Variants in COL8A2 observed in about 807,000 individuals in gnomAD.
COL8A2 encodes the protein collagen alpha-2(VIII) chain.
COL8A2 carries 16 observed loss-of-function variants against 24.0 expected under a neutral mutation model. That is an observed-to-expected ratio of 0.67 (90% CI 0.45 to 1.01). The LOEUF (loss-of-function observed/expected upper bound fraction) is 1.01, where lower values mean the gene tolerates loss of function less well. Among genes scored for constraint, COL8A2 ranks in the 50% least tolerant of loss-of-function variants. The probability of loss-of-function intolerance (pLI) is 0.00; values close to 1 mark genes in which losing one functional copy is unlikely to be tolerated. For synonymous variants in COL8A2, 466 were observed against 424.5 expected (o/e 1.10, Z -1.20); for missense variants, 818 against 942.4 (o/e 0.87, Z 1.73).
chr1:36,099,276 C>T lies in COL8A2; in HGVS notation c.405G>A (p.Gly135=), dbSNP rs767935704. The change falls in exon 4 of 4, where the codon GGG becomes GGA. Residue 135 remains glycine (G), a synonymous_variant. Coordinates refer to ENST00000397799, the MANE Select transcript of COL8A2 (RefSeq NM_005202.4). ...AGPPGLPGKV[G]PPGQPGLRGE... ...CCCGAAGCCCCGGCTGCCCTGGTGG[C>T]CCGACCTTGCCAGGGAGCCCTGGGG... is the stretch of plus-strand genomic sequence containing the variant. 78 of 1,554,160 alleles carry T rather than the reference C, an allele frequency of 5.0e-5. No individual in the cohort carries two copies. Among genetic ancestry groups the T allele is most frequent in the South Asian group, 4.4e-4 (37 of 84,510 alleles).
At chr1:36,103,933 C>A (rs1643718183) in intron 2 of COL8A2, among the ~76,000 whole-genome samples, 2 of 152,006 alleles carry the variant, frequency 1.3e-5, no homozygotes, top group South Asian at 4.1e-4. Context: ...GTGGCTCATG[C>A]CTGTAATCCC....
rs1174555357 is a variant in COL8A2 at position 36,100,096 on chromosome 1, T to C, written c.147A>G (p.Lys49=). ...CACGGAAGGGCGGTCCCACAGGTCC[T>C]TTCTGCATGGGCTGGATGTACTTCA... The part of the protein sequence containing the change: ...APVKYIQPMQ[K]GPVGPPFREG... Residue 49 remains lysine, a synonymous_variant, in exon 3 of 4, where the codon AAA becomes AAG. Coordinates refer to ENST00000397799, the MANE Select transcript of COL8A2 (RefSeq NM_005202.4). 1.2e-6 allele frequency: 2 copies of C among 1,612,650 alleles called. No individual in the cohort carries two copies. Among genetic ancestry groups the C allele is most frequent in the African/African-American group, 2.7e-5 (2 of 74,884 alleles).
chr1:36,112,089 C>T (rs978699513), intron 2 of COL8A2, among the ~76,000 whole-genome samples: 7 of 152,100 alleles, frequency 4.6e-5, no homozygotes, highest in African/African-American at 9.7e-5. Flanking sequence ...CTGCAAACTC[C>T]GCCTCCCAGG....
chr1:36,114,498 G>C (rs556644901), intron 2 of COL8A2, among the ~76,000 whole-genome samples: 18 of 152,134 alleles, frequency 1.2e-4, no homozygotes, highest in African/African-American at 4.3e-4. Context: ...CTGCCTCCCT[G>C]TCCCTGCCTT....
In COL8A2 at chr1:36,099,288, A is replaced by C. The variant is rs2124074548; in HGVS notation, c.393T>G (p.Pro131=). 6.4e-7 allele frequency: 1 copy of C among 1,562,276 alleles called. No homozygotes were observed. Among genetic ancestry groups the C allele is most frequent in the South Asian group, 1.2e-5 (1 of 85,146 alleles). The change falls in exon 4 of 4, where the codon CCT becomes CCG. Residue 131 remains proline, a synonymous_variant. Transcript: ENST00000397799. ...RMGKAGPPGL[P]GKVGPPGQPG... is the part of the protein sequence containing the mutation. ...GCTGCCCTGGTGGCCCGACCTTGCC[A>C]GGGAGCCCTGGGGGACCAGCCTTGC...
chr1:36,105,020 T>G (rs538315143), intron 2 of COL8A2, among the ~76,000 whole-genome samples: 7 of 152,188 alleles, frequency 4.6e-5, no homozygotes, highest in Admixed American at 1.3e-4. Flanking sequence ...CTCTGCATCT[T>G]TGCCTGGCAA....
rs1372917862 is a variant in COL8A2 at position 36,099,989 on chromosome 1, G to A, written c.193+61C>T. ...GCCTGAGGATCTGATGGCTCTCAGG[G>A]AGGCAGGGGATTTGGGGGCTGGGAG... On this transcript the variant is annotated intron_variant, in intron 3 of 3. Transcript: ENST00000397799. 2.0e-6 allele frequency: 3 copies of A among 1,509,740 alleles called. No homozygotes were observed. In the East Asian group the frequency reaches 6.8e-5, roughly 34 times the overall value. The allele number at this position is 1,509,740 out of a possible 1,614,324, so 93.5% of individuals were successfully genotyped here. A position where few individuals can be genotyped will look rare whatever the true frequency, so the allele number is the denominator to read the frequency against.
At position 36,098,662 on chromosome 1, in the gene COL8A2, C is replaced by T; in HGVS notation, c.1019G>A (p.Gly340Asp). ...TGGCTCCCCATCCTCCCCTGGCTCA[C>T]CCCTGTCCCCCAAGAGTCCTGGGAC... Reference protein sequence around the residue: ...AGVPGLLGDRGEPGEDGEPGE... With the variant: ...AGVPGLLGDRDEPGEDGEPGE... The change falls in exon 4 of 4, where the codon GGT (glycine) becomes GAT (aspartate). Residue 340 changes from glycine to aspartate, a missense_variant. Gly to Asp is a moderately conservative substitution (Grantham distance 94, BLOSUM62 -1). Transcript: ENST00000397799. 3 of 1,610,546 alleles carry T rather than the reference C, an allele frequency of 1.9e-6. No homozygotes were observed. The highest frequency in any genetic ancestry group is 2.5e-6 in the Non-Finnish European group (3 of 1,179,468).
chr1:36,104,820 A>T (rs567306660), intron 2 of COL8A2, among the ~76,000 whole-genome samples: 20 of 152,324 alleles, frequency 1.3e-4, no homozygotes, highest in Non-Finnish European at 1.9e-4. Context: ...AATTAATTAA[A>T]TAAAATAAAA....
At chr1:36,100,279 A>G (rs1570031394) in intron 2 of COL8A2, 21 bp from the exon 3 acceptor site, 5 of 1,537,974 alleles carry the variant, frequency 3.3e-6, no homozygotes, top group Non-Finnish European at 4.4e-6. Flanking sequence ...GAACAGAGAA[A>G]GTCATCAAGC....
rs1184607760 is a variant in COL8A2 at position 36,099,453 on chromosome 1, C to T, written c.228G>A (p.Lys76=). The T allele has an allele frequency of 6.5e-7, 1 of 1,544,134 alleles. No individual in the cohort carries two copies. The highest frequency in any genetic ancestry group is 1.9e-5 in the Admixed American group (1 of 51,396). The change falls in exon 4 of 4, where the codon AAG becomes AAA. Residue 76 remains lysine, a synonymous_variant. Transcript: ENST00000397799. ...MPLPLLPMDL[K]GEPGPPGKPG... is the part of the protein sequence containing the mutation. The stretch of plus-strand genomic sequence containing the variant: ...GCTTCCCAGGGGGGCCGGGCTCTCC[C>T]TTCAGGTCCATCGGCAGCAGCGGTA...
chr1:36,108,723 G>A (rs898318973), intron 2 of COL8A2, among the ~76,000 whole-genome samples: 3 of 152,120 alleles, frequency 2.0e-5, no homozygotes, highest in Non-Finnish European at 2.9e-5. Context: ...GCAGAGTGGC[G>A]GTGGTGTGCA....
intron 3 of COL8A2, among the ~76,000 whole-genome samples, 168 bp from the exon 4 acceptor site, chr1:36,099,655 TG>T (rs573423624): frequency 6.6e-6 from 1 of 152,060 alleles, no homozygotes; most frequent in East Asian, 1.9e-4. Context: ...GGGGACATCT[TG>T]GGGGCAACAG....
chr1:36,118,682 C>G (rs1200692837), intron 1 of COL8A2, among the ~76,000 whole-genome samples: 1 of 146,078 alleles, frequency 6.8e-6, no homozygotes, highest in Non-Finnish European at 1.5e-5. Context: ...CACCCCCCGC[C>G]CCCCACCCCC....
chr1:36,105,097 C>CCAGG (rs1482172480), intron 2 of COL8A2, among the ~76,000 whole-genome samples: 1 of 152,092 alleles, frequency 6.6e-6, no homozygotes, highest in African/African-American at 2.4e-5. Flanking sequence ...CTCCCTCAGG[C>CCAGG]CAGGCTAGGT....
chr1:36,101,090 C>T (rs1195438807), intron 2 of COL8A2, among the ~76,000 whole-genome samples: 2 of 151,918 alleles, frequency 1.3e-5, no homozygotes, highest in African/African-American at 2.4e-5. Flanking sequence ...GATGGAGTTT[C>T]GCCATGTTGG....
In COL8A2 at chr1:36,098,342, T is replaced by C; in HGVS notation, c.1339A>G (p.Lys447Glu). The change falls in exon 4 of 4, where the codon AAA becomes GAA. Residue 447 changes from lysine (K) to glutamate (E), a missense_variant. This residue lies in a region of COL8A2 where 573 missense variants were observed against 616.8 expected (regional missense o/e 0.93). Transcript: ENST00000397799. ...TGCCCAGGGAGCCCCAAGTCACCTT[T>C]CTGCCCCAGGGCTCCTGCCACCCCT... ...GPGVAGALGQ[K>E]GDLGLPGQPG... is the part of the protein sequence containing the mutation. The C allele has an allele frequency of 6.4e-7, 1 of 1,550,658 alleles. No individual in the cohort carries two copies. The highest frequency in any genetic ancestry group is 8.7e-7 in the Non-Finnish European group (1 of 1,147,776).
At chr1:36,107,225 T>G (rs1444608740) in intron 2 of COL8A2, among the ~76,000 whole-genome samples, 1 of 152,038 alleles carries the variant, frequency 6.6e-6, no homozygotes, top group East Asian at 1.9e-4. Flanking sequence ...GGCTATGTAG[T>G]GAGACCTCAT....
rs981718506 is a variant in COL8A2 at position 36,125,169 on chromosome 1, G to A, written c.-174C>T. The A allele has an allele frequency of 7.8e-5, 38 of 486,286 alleles. No individual in the cohort carries two copies. The highest frequency in any genetic ancestry group is 9.6e-5 in the Non-Finnish European group (36 of 375,888). The allele number at this position is 486,286 out of a possible 1,614,324, so 30.1% of individuals were successfully genotyped here. ...CGGGCGGCGTTGGGGTCCGGGGTCCGCGCCGGCGGGGTTCCGCGTCGCTCT... is the reference window on the plus strand; with the variant it reads ...CGGGCGGCGTTGGGGTCCGGGGTCCACGCCGGCGGGGTTCCGCGTCGCTCT... On this transcript the variant is annotated 5_prime_UTR_variant, in exon 1 of 4. Coordinates refer to ENST00000397799, the MANE Select transcript of COL8A2 (RefSeq NM_005202.4). This position sits in a 1 kb window ranked among gnomAD's most constrained non-coding sequence, Gnocchi z 4.5.
Sources: allele counts gnomAD v4.1 joint callset (sites outside exome capture counted in the v4.1 genomes callset), GRCh38; gene constraint gnomAD v4.1.1; regional missense constraint gnomAD v4.1.1; non-coding constraint Gnocchi (gnomAD v3.1); transcripts MANE v1.5; gene names NCBI Gene and HGNC (gene_info 2026-07-23, HGNC 2026-07-21).